MTHFD1L: variants seen among roughly 807,000 people sequenced by gnomAD.
MTHFD1L encodes the protein methylenetetrahydrofolate dehydrogenase (NADP+ dependent) 1 like.
MTHFD1L carries 81 observed loss-of-function variants against 119.5 expected under a neutral mutation model. The ratio of observed to expected loss-of-function variants is 0.68; its 90% CI spans 0.57 to 0.82. The LOEUF (loss-of-function observed/expected upper bound fraction) is 0.82. Among genes scored for constraint, MTHFD1L ranks in the 40% least tolerant of loss-of-function variants. The probability of loss-of-function intolerance (pLI) is 0.00; values close to 1 mark genes in which losing one functional copy is unlikely to be tolerated. For synonymous variants in MTHFD1L, 430 were observed against 475.2 expected (o/e 0.90, Z 1.24); for missense variants, 1,125 against 1,253.4 (o/e 0.90, Z 1.55).
chr6:150,951,161 T>G (rs943027136), intron 16 of MTHFD1L, among the ~76,000 whole-genome samples: 1 of 150,928 alleles, frequency 6.6e-6, no homozygotes, highest in African/African-American at 2.4e-5. Flanking sequence ...CTCAGCCTCC[T>G]GAGTAGCTGG....
At chr6:150,978,850 G>A (rs1777016433) in intron 20 of MTHFD1L, among the ~76,000 whole-genome samples, 1 of 152,132 alleles carries the variant, frequency 6.6e-6, no homozygotes, top group Admixed American at 6.6e-5. Context: ...CGTGACCTGA[G>A]GGCTCCTCCT....
At chr6:150,869,073 T>C (rs542987711) in intron 1 of MTHFD1L, among the ~76,000 whole-genome samples, 2 of 152,300 alleles carry the variant, frequency 1.3e-5, no homozygotes, top group South Asian at 2.1e-4. Flanking sequence ...ATTTTTGCAA[T>C]TAAGTATTTT....
At chr6:151,059,138 G>T (rs751707990) in intron 26 of MTHFD1L, among the ~76,000 whole-genome samples, 7 of 152,072 alleles carry the variant, frequency 4.6e-5, no homozygotes, top group Non-Finnish European at 1.0e-4. Flanking sequence ...CCTGAGGTGG[G>T]ATGATGTTCT....
chr6:151,002,774 A>C (rs1247767358), intron 20 of MTHFD1L, among the ~76,000 whole-genome samples: 1 of 152,214 alleles, frequency 6.6e-6, no homozygotes, highest in Non-Finnish European at 1.5e-5. Context: ...CATGTAGTGC[A>C]TTCGTAATAT....
intron 18 of MTHFD1L, 147 bp downstream of exon 18, chr6:150,960,562 T>C: frequency 8.8e-7 from 1 of 1,136,706 alleles, no homozygotes; most frequent in South Asian, 1.6e-5. Flanking sequence ...CCGACAAGCA[T>C]GTTTGCCTAA....
Position 150,989,974 on chromosome 6 carries a change from G to C in MTHFD1L, c.2125+17916G>C, listed in dbSNP as rs780978914. ...GATTCTGCAAGAATGAATTCATGAG[G>C]ATGGATTTAAAAGCTTTTTCAAGGC... On this transcript the variant is annotated intron_variant, in intron 20 of 27. Transcript: ENST00000367321. Among the ~76,000 whole-genome samples, 4 of 152,288 alleles carry C rather than the reference G, an allele frequency of 2.6e-5. No homozygotes were observed. The South Asian group carries it at 8.3e-4, about 32-fold the overall frequency.
intron 20 of MTHFD1L, among the ~76,000 whole-genome samples, chr6:150,993,260 A>C (rs550291): frequency 6.6e-6 from 1 of 151,988 alleles, no homozygotes; most frequent in African/African-American, 2.4e-5. Flanking sequence ...CCATTTCTTC[A>C]TTTGGCACAT....
At chr6:150,947,146 G>A (rs183718775) in intron 15 of MTHFD1L, among the ~76,000 whole-genome samples, 38 of 149,978 alleles carry the variant, frequency 2.5e-4, no homozygotes, top group African/African-American at 8.5e-4. Flanking sequence ...TGCTCAGGCT[G>A]GAGTGCAATG....
At chr6:150,912,745 G>A (rs1388758598) in intron 8 of MTHFD1L, 1 of 500,522 alleles carries the variant, frequency 2.0e-6, no homozygotes, top group Non-Finnish European at 4.1e-6. Flanking sequence ...TCATGAGTTA[G>A]ATGAGAGTGT....
chr6:150,887,058 A>G (rs893764906), intron 6 of MTHFD1L, among the ~76,000 whole-genome samples: 2 of 152,058 alleles, frequency 1.3e-5, no homozygotes, highest in Non-Finnish European at 2.9e-5. Context: ...CTCCAGTTTG[A>G]ATAGAAATGA....
intron 7 of MTHFD1L, 108 bp downstream of exon 7, chr6:150,888,089 T>C: frequency 8.2e-7 from 1 of 1,220,046 alleles, no homozygotes; most frequent in Non-Finnish European, 1.1e-6. Flanking sequence ...AGGAAGAAAA[T>C]TGAATAGACC....
chr6:150,913,313 A>G (rs1424792408), intron 8 of MTHFD1L, among the ~76,000 whole-genome samples: 2 of 141,954 alleles, frequency 1.4e-5, no homozygotes, highest in East Asian at 4.0e-4. Context: ...GGCGCCCGCC[A>G]CCACGCCCGG....
At chr6:151,011,316 C>A (rs768747262) in intron 21 of MTHFD1L, among the ~76,000 whole-genome samples, 13 of 152,206 alleles carry the variant, frequency 8.5e-5, no homozygotes, top group Non-Finnish European at 1.8e-4. Context: ...ATAACAACTT[C>A]TATTTTTAAA....
chr6:150,894,267 C>T (rs969021173), intron 7 of MTHFD1L, among the ~76,000 whole-genome samples: 7 of 152,020 alleles, frequency 4.6e-5, no homozygotes, highest in South Asian at 2.1e-4. Context: ...TCACTCAGAT[C>T]GTAAGTAGAT....
At chr6:150,914,983 C>G (rs1289760076) in intron 8 of MTHFD1L, among the ~76,000 whole-genome samples, 1 of 152,144 alleles carries the variant, frequency 6.6e-6, no homozygotes, top group Non-Finnish European at 1.5e-5. Flanking sequence ...TTGTTTTTAA[C>G]ATATCTTTTA....
intron 1 of MTHFD1L, among the ~76,000 whole-genome samples, chr6:150,870,330 T>G (rs2128721003): frequency 1.3e-5 from 2 of 152,310 alleles, no homozygotes; most frequent in South Asian, 4.1e-4. Context: ...GCTTTGTCAC[T>G]GTAGGAATGA....
chr6:150,866,318 C>T (rs1297782145), intron 1 of MTHFD1L: 2 of 1,459,044 alleles, frequency 1.4e-6, no homozygotes, highest in Non-Finnish European at 1.8e-6. Context: ...CGGCATGGAC[C>T]GCACGCCCGG....
chr6:150,958,806 A>G (rs12191833), intron 17 of MTHFD1L, among the ~76,000 whole-genome samples: 43,072 of 152,096 alleles, frequency 0.28, 6,408 homozygotes, highest in East Asian at 0.49. Flanking sequence ...TCCGCTATGC[A>G]CGTCATTTAG....
chr6:150,883,327 G>T (rs1454207816), intron 5 of MTHFD1L, among the ~76,000 whole-genome samples: 1 of 152,136 alleles, frequency 6.6e-6, no homozygotes, highest in East Asian at 1.9e-4. Flanking sequence ...CACCGTGTCT[G>T]GCCATCTGTA....
Sources: gnomAD v4.1 joint callset for allele counts (sites outside exome capture counted in the v4.1 genomes callset) on GRCh38, gnomAD v4.1.1 for gene constraint, MANE v1.5 for transcripts, NCBI Gene and HGNC (gene_info 2026-07-23, HGNC 2026-07-21) for gene names.